CCSER1: variants seen among roughly 807,000 people sequenced by gnomAD.
CCSER1 encodes coiled-coil serine rich protein 1, also known as serine-rich coiled-coil domain-containing protein 1.
In CCSER1, 41 loss-of-function variants were observed where a neutral mutation model predicts 82.0. The ratio of observed to expected loss-of-function variants is 0.50; its 90% CI spans 0.39 to 0.65. The LOEUF (loss-of-function observed/expected upper bound fraction) is 0.65. Ranked by LOEUF, CCSER1 falls within the 30% of genes least tolerant of loss-of-function variation. CCSER1 has a pLI of 0.00. For missense variants in CCSER1, 1,119 were observed against 1,064.2 expected, an observed-to-expected ratio of 1.05 and a Z score of -0.72; for synonymous variants, 414 against 383.9, an observed-to-expected ratio of 1.08 and a Z score of -0.92.
At chr4:90,316,960 T>C (rs1439724686) in intron 3 of CCSER1, among the ~76,000 whole-genome samples, 1 of 152,204 alleles carries the variant, frequency 6.6e-6, no homozygotes, top group African/African-American at 2.4e-5. Flanking sequence ...TCAAACCTCT[T>C]TATAGTATTT....
At chr4:90,915,194 C>G (rs1055697417) in intron 8 of CCSER1, among the ~76,000 whole-genome samples, 2 of 152,138 alleles carry the variant, frequency 1.3e-5, no homozygotes, top group African/African-American at 4.8e-5. Context: ...ATACCAAAGC[C>G]TGGCAGAGAC....
At chr4:90,685,120 G>A (rs1734575603) in intron 6 of CCSER1, among the ~76,000 whole-genome samples, 1 of 152,088 alleles carries the variant, frequency 6.6e-6, no homozygotes, top group African/African-American at 2.4e-5. Flanking sequence ...AACTTCTAGG[G>A]TAGTCCTGAG....
chr4:91,527,011 A>C (rs977314128), intron 10 of CCSER1, among the ~76,000 whole-genome samples: 2 of 151,542 alleles, frequency 1.3e-5, no homozygotes, highest in African/African-American at 4.9e-5. Context: ...CCTTAATCTC[A>C]TCAAAAGAAG....
chr4:91,243,739 T>A (rs2149133745), intron 10 of CCSER1, among the ~76,000 whole-genome samples: 1 of 152,268 alleles, frequency 6.6e-6, no homozygotes, highest in Admixed American at 6.5e-5. Context: ...TAAAGAGCCC[T>A]TGGTCCCTGA....
chr4:90,136,903 A>T (rs1017718223), intron 1 of CCSER1, among the ~76,000 whole-genome samples: 2 of 152,166 alleles, frequency 1.3e-5, no homozygotes, highest in Non-Finnish European at 2.9e-5. Flanking sequence ...TCTAAACAAG[A>T]CCCAAATTCA....
At chr4:91,453,693 G>T (rs1755987718) in intron 10 of CCSER1, among the ~76,000 whole-genome samples, 1 of 151,986 alleles carries the variant, frequency 6.6e-6, no homozygotes, top group African/African-American at 2.4e-5. Context: ...AAGCATATCT[G>T]GCAGGTGTTC....
At chr4:90,167,641 C>T (rs1730751931) in intron 1 of CCSER1, among the ~76,000 whole-genome samples, 1 of 149,564 alleles carries the variant, frequency 6.7e-6, no homozygotes, top group South Asian at 2.2e-4. Context: ...CACCCCACAA[C>T]AGGCCCCGGT....
intron 8 of CCSER1, chr4:90,839,070 A>C: frequency 3.1e-6 from 5 of 1,595,452 alleles, no homozygotes; most frequent in Non-Finnish European, 4.3e-6. Flanking sequence ...GAGGCGCGCG[A>C]GTACGAGCGA....
intron 10 of CCSER1, among the ~76,000 whole-genome samples, chr4:91,427,190 C>T (rs1754036623): frequency 6.6e-6 from 1 of 152,130 alleles, no homozygotes; most frequent in Admixed American, 6.5e-5. Context: ...ATTTATTTAA[C>T]AGCCTTACAC....
intron 3 of CCSER1, chr4:90,370,478 A>C (rs1036601570): frequency 6.6e-6 from 1 of 152,080 alleles, no homozygotes. Context: ...TGAATTTAAA[A>C]TAAATGGATT....
rs566069160 is a variant in CCSER1 at position 91,356,921 on chromosome 4, C to T, written c.2218-241651C>T. On this transcript the variant is annotated intron_variant, in intron 10 of 10. Coordinates refer to ENST00000509176, the MANE Select transcript of CCSER1 (RefSeq NM_001145065.2). Reference sequence around the variant, plus strand: ...TGGAAAACAGCTACCATACAGCCCACGCCTGGTCGACTGAAGGACCACCTT... The same window carrying T: ...TGGAAAACAGCTACCATACAGCCCATGCCTGGTCGACTGAAGGACCACCTT... Among the ~76,000 whole-genome samples, 525 of 152,280 alleles carry T rather than the reference C, an allele frequency of 3.4e-3. 4 individuals are homozygous for T. The highest frequency in any genetic ancestry group is 0.012 in the African/African-American group (492 of 41,544).
At chr4:90,828,464 C>T (rs1410303956) in intron 8 of CCSER1, among the ~76,000 whole-genome samples, 1 of 152,124 alleles carries the variant, frequency 6.6e-6, no homozygotes, top group East Asian at 1.9e-4. Flanking sequence ...TTCATCATGT[C>T]TTCTGATTAA....
chr4:91,292,757 G>A (rs982148113), intron 10 of CCSER1, among the ~76,000 whole-genome samples: 3 of 151,908 alleles, frequency 2.0e-5, no homozygotes, highest in African/African-American at 7.2e-5. Context: ...CATTAAAACA[G>A]AGCAAAAATA....
At chr4:90,488,225 A>AGT (rs1426948803) in intron 5 of CCSER1, among the ~76,000 whole-genome samples, 1 of 152,140 alleles carries the variant, frequency 6.6e-6, no homozygotes, top group East Asian at 1.9e-4. Flanking sequence ...TCTGTTGCCC[A>AGT]GGCTGGAGTA....
intron 6 of CCSER1, among the ~76,000 whole-genome samples, chr4:90,705,200 C>T (rs1202854622): frequency 1.3e-5 from 2 of 152,112 alleles, no homozygotes; most frequent in African/African-American, 2.4e-5. Context: ...CAGTCAGGAC[C>T]CTCAGCTGCA....
chr4:90,764,324 T>C (rs1389569410), intron 7 of CCSER1, among the ~76,000 whole-genome samples: 1 of 152,178 alleles, frequency 6.6e-6, no homozygotes, highest in African/African-American at 2.4e-5. Flanking sequence ...TAGTTTTGAC[T>C]GATAGAGTAT....
intron 10 of CCSER1, among the ~76,000 whole-genome samples, chr4:91,348,236 T>G (rs977693650): frequency 1.3e-5 from 2 of 152,152 alleles, no homozygotes; most frequent in African/African-American, 4.8e-5. Flanking sequence ...ATTAAAATAA[T>G]AATATAATTT....
chr4:90,632,328 A>G (rs544374539), intron 6 of CCSER1, among the ~76,000 whole-genome samples: 6 of 151,980 alleles, frequency 3.9e-5, no homozygotes, highest in African/African-American at 7.2e-5. Flanking sequence ...TTATTATTCT[A>G]CCTACTTTGG....
Position 91,088,159 on chromosome 4 carries a change from A to G in CCSER1, c.2217+2165A>G, listed in dbSNP as rs76308617. ...AGGGTTTAGAAAACTCTTACTCCAA[A>G]TGATTTCTTAGAATTTCTCATTGTA... On this transcript the variant is annotated intron_variant, in intron 10 of 10. Transcript: ENST00000509176. Among the ~76,000 whole-genome samples the G allele has an allele frequency of 5.3e-3, 806 of 152,224 alleles. 7 individuals carry two copies. Among genetic ancestry groups the G allele is most frequent in the African/African-American group, 0.017 (699 of 41,560 alleles).
Sources: gnomAD v4.1 joint callset for allele counts (sites outside exome capture counted in the v4.1 genomes callset) on GRCh38, gnomAD v4.1.1 for gene constraint, MANE v1.5 for transcripts, NCBI Gene and HGNC (gene_info 2026-07-23, HGNC 2026-07-21) for gene names.